Variants in AK2 observed in about 807,000 individuals in gnomAD.
AK2 encodes adenylate kinase 2, mitochondrial.
AK2 carries 15 observed loss-of-function variants against 24.6 expected under a neutral mutation model. The ratio of observed to expected loss-of-function variants is 0.61; its 90% CI spans 0.41 to 0.94. AK2 has a LOEUF of 0.94. Among genes scored for constraint, AK2 ranks in the 40% least tolerant of loss-of-function variants. AK2 has a pLI of 0.00. For missense variants in AK2, 257 were observed against 304.1 expected, an observed-to-expected ratio of 0.85 and a Z score of 1.15; for synonymous variants, 102 against 114.0, an observed-to-expected ratio of 0.90 and a Z score of 0.67.
At chr1:33,015,041 C>T (rs1319422401) in intron 4 of AK2, among the ~76,000 whole-genome samples, 5 of 152,160 alleles carry the variant, frequency 3.3e-5, no homozygotes, top group South Asian at 4.1e-4. Flanking sequence ...AAATAACAAA[C>T]GTGATAATCC....
Position 33,010,927 on chromosome 1 carries a change from T to C in AK2, c.*2254A>G, listed in dbSNP as rs1638784569. On this transcript the variant is annotated 3_prime_UTR_variant, in exon 6 of 6. Transcript: ENST00000672715. ...TGGCATGTAAGCCCCAGCAACCAAA[T>C]GCATTAAACACTGGACATTTCTGTG... The C allele has an allele frequency of 1.3e-6, 2 of 1,591,640 alleles. No homozygotes were observed. Among genetic ancestry groups the C allele is most frequent in the Non-Finnish European group, 1.7e-6 (2 of 1,168,596 alleles).
intron 1 of AK2, among the ~76,000 whole-genome samples, chr1:33,025,216 TA>T (rs1292271704): frequency 1.5e-5 from 2 of 131,442 alleles, no homozygotes; most frequent in Non-Finnish European, 3.3e-5. Context: ...AAAAAGAGAA[TA>T]AAAATAGTAC....
rs751111424 is a variant in AK2 at position 33,012,015 on chromosome 1, T to A, written c.*1166A>T. ...ATGAATCCAAGAATAGATCACACAC[T>A]GTTTTGTTCACACTTGGAAACACAG... is the stretch of plus-strand genomic sequence containing the variant. On this transcript the variant is annotated 3_prime_UTR_variant, in exon 6 of 6. Coordinates refer to ENST00000672715, the MANE Select transcript of AK2 (RefSeq NM_001625.4). 74 of 1,535,036 alleles carry A rather than the reference T, an allele frequency of 4.8e-5. No homozygotes were observed. The Middle Eastern group carries it at 1.5e-3, about 31-fold the overall frequency.
chr1:33,019,939 C>T, intron 4 of AK2: 1 of 1,411,136 alleles, frequency 7.1e-7, no homozygotes, highest in Non-Finnish European at 9.2e-7. Context: ...TGACCACTTT[C>T]CTGAGACACC....
At chr1:33,016,464 G>A (rs986180641) in intron 4 of AK2, among the ~76,000 whole-genome samples, 1 of 152,028 alleles carries the variant, frequency 6.6e-6, no homozygotes, top group Non-Finnish European at 1.5e-5. Flanking sequence ...ACCTGCCTCA[G>A]CCTTCCGAAG....
intron 4 of AK2, among the ~76,000 whole-genome samples, chr1:33,020,921 C>T (rs113105237): frequency 0.01 from 1,522 of 151,398 alleles, 24 homozygotes; most frequent in African/African-American, 0.035. Context: ...CCGAGGCAGG[C>T]GGATCACTTG....
Position 33,012,258 on chromosome 1 carries a change from C to G in AK2, c.*923G>C. On this transcript the variant is annotated 3_prime_UTR_variant, in exon 6 of 6. Transcript: ENST00000672715. ...TCATGATGCAGATCACAAAAATATT[C>G]CAATTTGGCCTGGCTCTTTTTATGA... 1 of 1,534,940 alleles carries G rather than the reference C, an allele frequency of 6.5e-7. No individual in the cohort carries two copies. Among genetic ancestry groups the G allele is most frequent in the South Asian group, 1.2e-5 (1 of 83,800 alleles).
chr1:33,013,465 C>A (rs2124281626), intron 5 of AK2, 63 bp from the exon 6 acceptor site: 3 of 1,562,580 alleles, frequency 1.9e-6, no homozygotes, highest in Admixed American at 1.9e-5. Flanking sequence ...TATTCCATGC[C>A]AGATGCAGAT....
At chr1:33,033,067 G>A (rs1640342977) in intron 1 of AK2, among the ~76,000 whole-genome samples, 1 of 151,704 alleles carries the variant, frequency 6.6e-6, no homozygotes, top group African/African-American at 2.4e-5. Context: ...GGAGACTGAG[G>A]CAGAATGGCG....
At position 33,011,574 on chromosome 1, in the gene AK2, T is replaced by C. The variant is rs1349101258; in HGVS notation, c.*1607A>G. On this transcript the variant is annotated 3_prime_UTR_variant, in exon 6 of 6. Coordinates refer to ENST00000672715, the MANE Select transcript of AK2 (RefSeq NM_001625.4). ...GCTCAGGTCAGGAGGCTGGGCACTT[T>C]AGAGTCCACTGAATCGAGTCAGCAG... 2.3e-6 allele frequency: 3 copies of C among 1,287,646 alleles called. No individual in the cohort carries two copies. The highest frequency in any genetic ancestry group is 1.5e-5 in the African/African-American group (1 of 65,822). The allele number at this position is 1,287,646 out of a possible 1,614,324, so 79.8% of individuals were successfully genotyped here.
At position 33,012,063 on chromosome 1, in the gene AK2, A is replaced by C. The variant is rs1354906135; in HGVS notation, c.*1118T>G. On this transcript the variant is annotated 3_prime_UTR_variant, in exon 6 of 6. Transcript: ENST00000672715. ...CAGGCAAACATTAAAAATAAAAGCA[A>C]ATAAACCTACCCTGGTCTCTTTTTG... 1 of 1,535,284 alleles carries C rather than the reference A, an allele frequency of 6.5e-7. No individual in the cohort carries two copies. The highest frequency in any genetic ancestry group is 8.7e-7 in the Non-Finnish European group (1 of 1,146,728).
chr1:33,008,461 C>T lies in AK2; in HGVS notation c.*4720G>A, dbSNP rs952751270. 15 of 453,924 alleles carry T rather than the reference C, an allele frequency of 3.3e-5. No individual in the cohort carries two copies. Among genetic ancestry groups the T allele is most frequent in the Non-Finnish European group, 6.2e-5 (14 of 226,786 alleles). The allele number at this position is 453,924 out of a possible 1,614,324, so 28.1% of individuals were successfully genotyped here. On this transcript the variant is annotated 3_prime_UTR_variant, in exon 6 of 6. Coordinates refer to ENST00000672715, the MANE Select transcript of AK2 (RefSeq NM_001625.4). ...GACACATACCCTAGGCCCTCAGAGC[C>T]GGCAGTGACTTCTTCAAAATCAGTT...
intron 1 of AK2, 80 bp downstream of exon 1, chr1:33,036,656 G>T: frequency 7.4e-7 from 1 of 1,357,434 alleles, no homozygotes; most frequent in Non-Finnish European, 1.0e-6. Flanking sequence ...CTCCGGGCAG[G>T]TCCAGGGCTT....
intron 4 of AK2, among the ~76,000 whole-genome samples, chr1:33,017,448 G>T (rs1639261014): frequency 6.6e-6 from 1 of 152,210 alleles, no homozygotes; most frequent in Non-Finnish European, 1.5e-5. Context: ...AACTTTGGGA[G>T]GGGCTAGGGG....
Position 33,013,083 on chromosome 1 carries a change from A to C in AK2, c.*98T>G, listed in dbSNP as rs188290204. ...GCTTTTTTAATCAATACATCAAATG[A>C]TATTTTTGCTAGCCTGAGGAAGCTT... On this transcript the variant is annotated 3_prime_UTR_variant, in exon 6 of 6. Coordinates refer to ENST00000672715, the MANE Select transcript of AK2 (RefSeq NM_001625.4). The C allele has an allele frequency of 2.3e-4, 376 of 1,609,890 alleles. No homozygotes were observed. The highest frequency in any genetic ancestry group is 2.8e-4 in the Non-Finnish European group (328 of 1,179,878).
At chr1:33,026,420 G>T (rs1456005301) in intron 1 of AK2, among the ~76,000 whole-genome samples, 2 of 152,194 alleles carry the variant, frequency 1.3e-5, no homozygotes, top group Admixed American at 1.3e-4. Context: ...ACAATAAAAG[G>T]TACATAGATA....
chr1:33,025,521 A>G (rs1036225118), intron 1 of AK2, among the ~76,000 whole-genome samples: 2 of 152,194 alleles, frequency 1.3e-5, no homozygotes, highest in Admixed American at 1.3e-4. Context: ...CTCAGAAGGT[A>G]GCTGTGAGGA....
At chr1:33,016,356 C>A (rs1477947834) in intron 4 of AK2, among the ~76,000 whole-genome samples, 7 of 151,870 alleles carry the variant, frequency 4.6e-5, no homozygotes, top group Admixed American at 3.9e-4. Context: ...GGACTACAGG[C>A]GCCCACCACC....
chr1:33,026,064 G>T (rs538380645), intron 1 of AK2, among the ~76,000 whole-genome samples: 2 of 152,340 alleles, frequency 1.3e-5, no homozygotes, highest in Admixed American at 6.5e-5. Context: ...GGGAAAAAAA[G>T]AATGCAGAAT....
Sources: gnomAD v4.1 joint callset for allele counts (sites outside exome capture counted in the v4.1 genomes callset) on GRCh38, gnomAD v4.1.1 for gene constraint, MANE v1.5 for transcripts, NCBI Gene and HGNC (gene_info 2026-07-23, HGNC 2026-07-21) for gene names.